DIAPH2: variants seen among roughly 807,000 people sequenced by gnomAD.
DIAPH2 encodes protein diaphanous homolog 2.
In DIAPH2, 35 loss-of-function variants were observed where a neutral mutation model predicts 92.7. That is an observed-to-expected ratio of 0.38 (90% CI 0.29 to 0.50). The LOEUF (loss-of-function observed/expected upper bound fraction) is 0.50. DIAPH2 is among the 20% of genes least tolerant of loss of function. The pLI, the probability that DIAPH2 is intolerant of heterozygous loss-of-function variation, is 0.94. For synonymous variants in DIAPH2, 301 were observed against 280.4 expected (o/e 1.07, Z -0.73); for missense variants, 701 against 819.5 (o/e 0.86, Z 1.77).
intron 22 of DIAPH2, among the ~76,000 whole-genome samples, chrX:97,231,686 A>G (rs978107904): frequency 5.0e-4 from 56 of 111,685 alleles, no homozygotes; most frequent in African/African-American, 1.8e-3. Flanking sequence ...GTTTGTGTGC[A>G]CATCATTCAA....
chrX:97,351,323 A>T (rs1260293085), intron 24 of DIAPH2, among the ~76,000 whole-genome samples: 1 of 112,488 alleles, frequency 8.9e-6, no homozygotes, highest in Non-Finnish European at 1.9e-5. Context: ...ACTACTGAAA[A>T]CCAACTTGAT....
intron 1 of DIAPH2, among the ~76,000 whole-genome samples, chrX:96,733,859 G>A (rs1028724193): frequency 2.1e-4 from 24 of 111,831 alleles, no homozygotes; most frequent in African/African-American, 7.5e-4. Context: ...ACCTAGACAA[G>A]TGGAATGCAG....
intron 1 of DIAPH2, among the ~76,000 whole-genome samples, chrX:96,726,226 C>T (rs779857346): frequency 2.9e-5 from 3 of 102,309 alleles, no homozygotes; most frequent in East Asian, 6.9e-4. Flanking sequence ...CTCTCTCTGT[C>T]GCTCTCTTCC....
At chrX:96,749,547 T>C (rs2064174396) in intron 3 of DIAPH2, among the ~76,000 whole-genome samples, 1 of 111,723 alleles carries the variant, frequency 9.0e-6, no homozygotes, top group Non-Finnish European at 1.9e-5. Flanking sequence ...TAAATTGTAG[T>C]ATTAACTTTT....
At chrX:96,793,954 A>G (rs760345115) in intron 4 of DIAPH2, among the ~76,000 whole-genome samples, 2 of 112,070 alleles carry the variant, frequency 1.8e-5, no homozygotes, top group African/African-American at 3.2e-5. Flanking sequence ...TCATTTATGT[A>G]TCTGGCTTAA....
intron 15 of DIAPH2, among the ~76,000 whole-genome samples, chrX:96,955,886 T>TA (rs1381956631): frequency 2.7e-5 from 3 of 112,651 alleles, no homozygotes; most frequent in African/African-American, 9.7e-5. Context: ...TGCGTGTTTG[T>TA]GGCTTTTCCA....
intron 15 of DIAPH2, chrX:96,954,076 G>A (rs2065794108): frequency 8.9e-6 from 1 of 112,098 alleles, no homozygotes; most frequent in Admixed American, 9.5e-5. Flanking sequence ...TTAAACAGGA[G>A]TGACAGCTTT....
chrX:96,901,532 G>GTTTTTTTTTTTTT (rs369526046), intron 5 of DIAPH2, among the ~76,000 whole-genome samples: 2 of 33,095 alleles, frequency 6.0e-5, no homozygotes, highest in Admixed American at 3.3e-4. Flanking sequence ...TTTTCTTTCT[G>GTTTTTTTTTTTTT]TTTTTTTTTT....
At chrX:97,374,253 G>T (rs1250615101) in intron 24 of DIAPH2, among the ~76,000 whole-genome samples, 1 of 111,060 alleles carries the variant, frequency 9.0e-6, no homozygotes, top group Non-Finnish European at 1.9e-5. Flanking sequence ...GAATCAAAGA[G>T]GGAAGAAAAT....
intron 22 of DIAPH2, among the ~76,000 whole-genome samples, chrX:97,204,972 G>T (rs2067783950): frequency 9.0e-6 from 1 of 111,060 alleles, no homozygotes; most frequent in African/African-American, 3.3e-5. Flanking sequence ...TACCAAAACA[G>T]ACATATAGAC....
intron 4 of DIAPH2, among the ~76,000 whole-genome samples, chrX:96,815,992 C>G (rs1338963748): frequency 2.7e-5 from 3 of 111,517 alleles, no homozygotes; most frequent in Non-Finnish European, 3.8e-5. Context: ...TCTTGTATTT[C>G]TCTCTCACCC....
At chrX:97,050,506 G>GT (rs772902489) in intron 17 of DIAPH2, among the ~76,000 whole-genome samples, 957 of 84,585 alleles carry the variant, frequency 0.011, 7 homozygotes, top group South Asian at 0.028. Context: ...ACGTTTTTTT[G>GT]TTTTTTTTTT....
At chrX:97,440,604 A>G (rs931622763) in intron 26 of DIAPH2, among the ~76,000 whole-genome samples, 1,319 of 108,784 alleles carry the variant, frequency 0.012, 24 homozygotes, top group African/African-American at 0.041. Flanking sequence ...CAAAAAAAAA[A>G]AAAAAAAAAA....
At chrX:97,433,189 G>T (rs2070145690) in intron 26 of DIAPH2, among the ~76,000 whole-genome samples, 1 of 110,556 alleles carries the variant, frequency 9.0e-6, no homozygotes, top group African/African-American at 3.3e-5. Context: ...CATATCAGTA[G>T]TGATAATTGA....
intron 22 of DIAPH2, among the ~76,000 whole-genome samples, chrX:97,178,106 G>C (rs1181836546): frequency 9.1e-6 from 1 of 110,058 alleles, no homozygotes; most frequent in Admixed American, 9.8e-5. Context: ...TATAATCCCA[G>C]CTGCTGGGGA....
In DIAPH2 at chrX:97,526,762, C is replaced by A. The variant is rs184259962; in HGVS notation, c.3242-72491C>A. 2.0e-4 allele frequency among the ~76,000 whole-genome samples: 22 copies of A among 111,774 alleles called. No individual in the cohort carries two copies. The Admixed American group carries it at 2.0e-3, about 10-fold the overall frequency. Reference sequence around the variant, plus strand: ...TTGTACCTCCAAGTACTCTAAAATTCTCTTATTTGAACATGTCCACTTCCT... The same window carrying A: ...TTGTACCTCCAAGTACTCTAAAATTATCTTATTTGAACATGTCCACTTCCT... On this transcript the variant is annotated intron_variant, in intron 26 of 26. Transcript: ENST00000324765.
At chrX:97,146,341 CT>C (rs1241834821) in intron 22 of DIAPH2, among the ~76,000 whole-genome samples, 64 of 102,276 alleles carry the variant, frequency 6.3e-4, no homozygotes, top group South Asian at 5.6e-3. Flanking sequence ...AAAAGATTGT[CT>C]TTTTTTTTTT....
intron 4 of DIAPH2, among the ~76,000 whole-genome samples, chrX:96,813,984 A>G (rs753520637): frequency 7.4e-4 from 82 of 111,022 alleles, no homozygotes; most frequent in African/African-American, 2.4e-3. Context: ...ACCTTGGTGA[A>G]TCTGACAATT....
chrX:97,168,207 C>A (rs1172526783), intron 22 of DIAPH2, among the ~76,000 whole-genome samples: 1 of 108,754 alleles, frequency 9.2e-6, no homozygotes, highest in African/African-American at 3.4e-5. Context: ...ACCTCAGCCT[C>A]CCGCTGTAGC....
Sources: gnomAD v4.1 joint callset for allele counts (sites outside exome capture counted in the v4.1 genomes callset) on GRCh38, gnomAD v4.1.1 for gene constraint, MANE v1.5 for transcripts, NCBI Gene and HGNC (gene_info 2026-07-23, HGNC 2026-07-21) for gene names.